Variants in THSD7A observed in about 807,000 individuals in gnomAD.
THSD7A encodes thrombospondin type 1 domain containing 7A.
Under a neutral mutation model 231.3 loss-of-function variants are expected in THSD7A, and 96 were observed. The ratio of observed to expected loss-of-function variants is 0.41; its 90% confidence interval spans 0.35 to 0.49. THSD7A has a LOEUF of 0.49. THSD7A is among the 20% of genes least tolerant of loss of function. The pLI is 0.05. For missense variants in THSD7A, 2,290 were observed against 2,070.2 expected (o/e 1.11, Z -2.06); for synonymous variants, 940 against 743.3 (o/e 1.26, Z -4.30).
At chr7:11,568,349 T>A (rs1790455451) in intron 4 of THSD7A, among the ~76,000 whole-genome samples, 1 of 152,114 alleles carries the variant, frequency 6.6e-6, no homozygotes. Flanking sequence ...TAAAATGGAA[T>A]GAGTTTCTTT....
intron 1 of THSD7A, among the ~76,000 whole-genome samples, chr7:11,701,083 G>C (rs909581178): frequency 1.3e-4 from 19 of 151,168 alleles, no homozygotes; most frequent in African/African-American, 4.4e-4. Context: ...AAAATACTGA[G>C]ATTTGCTTTA....
chr7:11,574,919 C>T (rs1367304601), intron 4 of THSD7A, among the ~76,000 whole-genome samples: 2 of 152,030 alleles, frequency 1.3e-5, no homozygotes, highest in South Asian at 2.1e-4. Context: ...AAGTAGTAAC[C>T]CTATACTGTA....
At chr7:11,573,294 T>C (rs1379433045) in intron 4 of THSD7A, among the ~76,000 whole-genome samples, 2 of 152,236 alleles carry the variant, frequency 1.3e-5, no homozygotes, top group Non-Finnish European at 2.9e-5. Context: ...CAAGGATTCA[T>C]GGTGTATCCA....
chr7:11,440,648 G>A lies in THSD7A; in HGVS notation c.3064+5413C>T, dbSNP rs558783658. Among the ~76,000 whole-genome samples, 14 of 152,130 alleles carry A rather than the reference G, an allele frequency of 9.2e-5. No homozygotes were observed. In the South Asian group the frequency reaches 1.9e-3, roughly 20 times the overall value. On this transcript the variant is annotated intron_variant, in intron 13 of 27. Coordinates refer to ENST00000423059, the MANE Select transcript of THSD7A (RefSeq NM_015204.3). Reference sequence around the variant, plus strand: ...ATTGCAGATGTGGTAGAAACAGCAAGAGAACTAGAATTAGAAGAGGAGTCT... The same window carrying A: ...ATTGCAGATGTGGTAGAAACAGCAAAAGAACTAGAATTAGAAGAGGAGTCT...
At chr7:11,826,718 A>C (rs1382664876) in intron 1 of THSD7A, among the ~76,000 whole-genome samples, 1 of 151,620 alleles carries the variant, frequency 6.6e-6, no homozygotes, top group Non-Finnish European at 1.5e-5. Flanking sequence ...AGGCTGATGC[A>C]GGAGAATCGC....
intron 1 of THSD7A, among the ~76,000 whole-genome samples, chr7:11,770,285 C>T (rs939382493): frequency 5.3e-5 from 8 of 151,810 alleles, no homozygotes; most frequent in African/African-American, 1.9e-4. Context: ...GAAGCCAAAC[C>T]AAATATTTAG....
chr7:11,508,946 G>T (rs1314669489), intron 6 of THSD7A, among the ~76,000 whole-genome samples: 1 of 152,102 alleles, frequency 6.6e-6, no homozygotes, highest in African/African-American at 2.4e-5. Context: ...GTAGGAGAGG[G>T]AAATGAAGAC....
chr7:11,516,285 C>G (rs1331912032), intron 6 of THSD7A, among the ~76,000 whole-genome samples: 2 of 152,146 alleles, frequency 1.3e-5, no homozygotes, highest in Non-Finnish European at 2.9e-5. Flanking sequence ...AAATTTTAAA[C>G]TAATGCATTG....
intron 13 of THSD7A, among the ~76,000 whole-genome samples, chr7:11,432,705 C>T (rs569392273): frequency 1.3e-5 from 2 of 151,960 alleles, no homozygotes; most frequent in South Asian, 4.1e-4. Context: ...CTTGTTTATT[C>T]ATTCTATTGG....
chr7:11,668,213 C>T (rs1783223042), intron 1 of THSD7A, among the ~76,000 whole-genome samples: 1 of 151,992 alleles, frequency 6.6e-6, no homozygotes, highest in South Asian at 2.1e-4. Context: ...TCACCTGAGG[C>T]CGAGACCTTC....
intron 9 of THSD7A, among the ~76,000 whole-genome samples, chr7:11,466,996 C>G (rs1191267237): frequency 6.6e-6 from 1 of 152,098 alleles, no homozygotes; most frequent in Admixed American, 6.6e-5. Context: ...CACTATCTAC[C>G]CGCATAACAC....
intron 23 of THSD7A, among the ~76,000 whole-genome samples, chr7:11,383,618 A>C (rs1782611615): frequency 6.6e-6 from 1 of 151,984 alleles, no homozygotes; most frequent in South Asian, 2.1e-4. Context: ...GCCAGATTTT[A>C]ATTTTTTTTG....
At chr7:11,755,514 C>T (rs1289658257) in intron 1 of THSD7A, among the ~76,000 whole-genome samples, 1 of 152,020 alleles carries the variant, frequency 6.6e-6, no homozygotes, top group African/African-American at 2.4e-5. Flanking sequence ...CAGGGAAGGC[C>T]TTCAGACCCT....
chr7:11,458,133 T>C (rs949758885), intron 11 of THSD7A, among the ~76,000 whole-genome samples: 1 of 152,066 alleles, frequency 6.6e-6, no homozygotes, highest in Non-Finnish European at 1.5e-5. Flanking sequence ...TCTATAGTCT[T>C]TGTTGATTGA....
intron 1 of THSD7A, among the ~76,000 whole-genome samples, chr7:11,647,048 A>C (rs1782310682): frequency 6.6e-6 from 1 of 151,994 alleles, no homozygotes; most frequent in Non-Finnish European, 1.5e-5. Flanking sequence ...AGAATGATTA[A>C]ACATTTCTTC....
At chr7:11,400,016 A>G (rs1204747461) in intron 23 of THSD7A, among the ~76,000 whole-genome samples, 5 of 152,084 alleles carry the variant, frequency 3.3e-5, no homozygotes, top group Non-Finnish European at 1.5e-5. Flanking sequence ...TTGTAGGGAC[A>G]TGGATGAAGC....
intron 7 of THSD7A, among the ~76,000 whole-genome samples, chr7:11,481,082 C>G (rs1469400903): frequency 6.6e-6 from 1 of 152,024 alleles, no homozygotes; most frequent in Non-Finnish European, 1.5e-5. Flanking sequence ...CATTATATTA[C>G]CCAGTCACAC....
In THSD7A at chr7:11,632,644, A is replaced by AT. The variant is rs1327718239; in HGVS notation, c.1022+3485dup. On this transcript the variant is annotated intron_variant, in intron 2 of 27. Coordinates refer to ENST00000423059, the MANE Select transcript of THSD7A (RefSeq NM_015204.3). The surrounding 1 kb of genome is among the most constrained non-coding windows in gnomAD (Gnocchi z 4.1). ...TACAGATAATCTGCTGTCCTGTCTT[A>AT]TTTTTTACTTTAAAGAGAATGCTTC... 1.3e-5 allele frequency among the ~76,000 whole-genome samples: 2 copies of AT among 152,012 alleles called. No homozygotes were observed. The highest frequency in any genetic ancestry group is 2.9e-5 in the Non-Finnish European group (2 of 67,978).
At position 11,395,218 on chromosome 7, in the gene THSD7A, G is replaced by C. The variant is rs188716580; in HGVS notation, c.4411+6577C>G. Reference sequence around the variant, plus strand: ...CTTTAAACCAACAAAGATCAAAAGAGACAAAGAAGAGCATTACATATGGTA... The same window carrying C: ...CTTTAAACCAACAAAGATCAAAAGACACAAAGAAGAGCATTACATATGGTA... On this transcript the variant is annotated intron_variant, in intron 23 of 27. Coordinates refer to ENST00000423059, the MANE Select transcript of THSD7A (RefSeq NM_015204.3). 5.9e-3 allele frequency among the ~76,000 whole-genome samples: 890 copies of C among 150,952 alleles called. 6 individuals carry two copies. Among genetic ancestry groups the C allele is most frequent in the African/African-American group, 0.018 (744 of 41,280 alleles).
Sources: gnomAD v4.1 joint callset for allele counts (sites outside exome capture counted in the v4.1 genomes callset) on GRCh38, gnomAD v4.1.1 for gene constraint, Gnocchi (gnomAD v3.1) non-coding constraint, MANE v1.5 for transcripts, NCBI Gene and HGNC (gene_info 2026-07-23, HGNC 2026-07-21) for gene names.